PPM1A: variants seen among roughly 807,000 people sequenced by gnomAD.
The protein encoded by PPM1A is protein phosphatase, Mg2+/Mn2+ dependent 1A.
Under a neutral mutation model 35.0 loss-of-function variants are expected in PPM1A, and 7 were observed. The ratio of observed to expected loss-of-function variants is 0.20; its 90% confidence interval spans 0.11 to 0.38. PPM1A has a LOEUF of 0.38. Among genes scored for constraint, PPM1A ranks in the 10% least tolerant of loss-of-function variants. PPM1A has a pLI of 1.00. For synonymous variants in PPM1A, 153 were observed against 167.3 expected, an observed-to-expected ratio of 0.91 and a Z score of 0.66; for missense variants, 239 against 467.8, an observed-to-expected ratio of 0.51 and a Z score of 4.51.
Position 60,296,736 on chromosome 14 carries a change from T to G in PPM1A, c.*4254T>G, listed in dbSNP as rs939363645. 8.6e-6 allele frequency: 3 copies of G among 349,060 alleles called. No individual in the cohort carries two copies. The highest frequency in any genetic ancestry group is 9.7e-5 in the Admixed American group (2 of 20,632). The allele number at this position is 349,060 out of a possible 1,614,324, so 21.6% of individuals were successfully genotyped here. On this transcript the variant is annotated 3_prime_UTR_variant, in exon 6 of 6. Transcript: ENST00000395076. The surrounding 1 kb of genome is among the most constrained non-coding windows in gnomAD (Gnocchi z 4.4). ...CATTTTCAAAATGTATAATACTGTA[T>G]TGTTTTGTTGATCAGAATAATAAGT...
At chr14:60,259,362 A>G (rs17097240) in intron 1 of PPM1A, among the ~76,000 whole-genome samples, 3,181 of 152,098 alleles carry the variant, frequency 0.021, 112 homozygotes, top group African/African-American at 0.073. Context: ...CTTTCTTTCA[A>G]CTTAAGTATA....
intron 1 of PPM1A, among the ~76,000 whole-genome samples, chr14:60,278,048 G>A (rs1042600735): frequency 1.5e-3 from 228 of 152,278 alleles, no homozygotes; most frequent in African/African-American, 5.0e-3. Context: ...CTATCTTTTA[G>A]GATTGGTGTG....
upstream of PPM1A, chr14:60,249,106 C>A (rs1881996644): frequency 1.9e-6 from 1 of 531,434 alleles, no homozygotes. This position sits in a 1 kb window ranked among gnomAD's most constrained non-coding sequence, Gnocchi z 4.5. Context: ...ATCCGGGTCT[C>A]TGTAGCTGCG....
chr14:60,262,684 T>TCAAA (rs543957901), intron 1 of PPM1A, among the ~76,000 whole-genome samples: 1 of 152,016 alleles, frequency 6.6e-6, no homozygotes. Context: ...ACACCCTACC[T>TCAAA]CAAACAAACA....
intron 1 of PPM1A, among the ~76,000 whole-genome samples, chr14:60,256,259 A>T (rs1329539039): frequency 6.6e-6 from 1 of 152,052 alleles, no homozygotes; most frequent in Non-Finnish European, 1.5e-5. Flanking sequence ...TCTCTACTAA[A>T]ATACAAAAAA....
chr14:60,276,033 G>T (rs1885717230), intron 1 of PPM1A, among the ~76,000 whole-genome samples: 1 of 152,018 alleles, frequency 6.6e-6, no homozygotes, highest in Admixed American at 6.5e-5. Flanking sequence ...TAGCTGCAAG[G>T]GTTAGCATTT....
At chr14:60,260,607 C>CT (rs1239847524) in intron 1 of PPM1A, among the ~76,000 whole-genome samples, 2 of 152,072 alleles carry the variant, frequency 1.3e-5, no homozygotes, top group African/African-American at 4.8e-5. Flanking sequence ...CAGACTTATG[C>CT]AACGATTAAC....
At chr14:60,250,911 C>A (rs1204888361) in intron 1 of PPM1A, among the ~76,000 whole-genome samples, 1 of 152,162 alleles carries the variant, frequency 6.6e-6, no homozygotes, top group Non-Finnish European at 1.5e-5. Flanking sequence ...ATACTTTTAT[C>A]TTGCTACATA....
intron 1 of PPM1A, chr14:60,250,367 G>A: frequency 1.0e-6 from 1 of 953,520 alleles, no homozygotes. Flanking sequence ...GTATGGTTCT[G>A]TTCTGCTTGT....
rs1045489087 is a variant in PPM1A at position 60,262,105 on chromosome 14, A to G, written c.-21+12428A>G. Among the ~76,000 whole-genome samples, 14 of 152,354 alleles carry G rather than the reference A, an allele frequency of 9.2e-5. No homozygotes were observed. In the South Asian group the frequency reaches 2.3e-3, roughly 25 times the overall value. ...CAGAATAATTGATATTCATTATTTA[A>G]TAGATAAAATGTGTTATCTGAATGT... On this transcript the variant is annotated intron_variant, in intron 1 of 5. Coordinates refer to ENST00000395076, the MANE Select transcript of PPM1A (RefSeq NM_021003.5).
At chr14:60,247,790 G>A (rs1219754755), upstream of PPM1A, among the ~76,000 whole-genome samples, 1 of 152,074 alleles carries the variant, frequency 6.6e-6, no homozygotes, top group Non-Finnish European at 1.5e-5. Context: ...TAAGAGTTGG[G>A]GCAACAAAAT....
Position 60,292,481 on chromosome 14 carries a change from A to T in PPM1A, c.1148A>T (p.Ter383LeuextTer31). 6.3e-7 allele frequency: 1 copy of T among 1,599,480 alleles called. No individual in the cohort carries two copies. Among genetic ancestry groups the T allele is most frequent in the Non-Finnish European group, 8.6e-7 (1 of 1,167,776 alleles). ...TDSTSTDDMW[*>L] ...TCTACATCAACAGATGATATGTGGT[A>T]AAACTGCTCATCTAGCCATGGAGTT... Residue 383 changes from the stop codon to leucine, a stop_lost, in exon 6 of 6, where the codon TAA becomes TTA. Transcript: ENST00000395076. This position sits in a 1 kb window ranked among gnomAD's most constrained non-coding sequence, Gnocchi z 4.2.
At chr14:60,286,035 A>C in intron 3 of PPM1A, 1 of 1,036,428 alleles carries the variant, frequency 9.6e-7, no homozygotes, top group Non-Finnish European at 1.2e-6. Flanking sequence ...ATTCACTGGC[A>C]TGAGTAATTT....
At chr14:60,254,192 C>G (rs987933156) in intron 1 of PPM1A, among the ~76,000 whole-genome samples, 1 of 152,036 alleles carries the variant, frequency 6.6e-6, no homozygotes, top group Non-Finnish European at 1.5e-5. Flanking sequence ...TGCCTGGAAG[C>G]CAAACTAGAG....
At chr14:60,270,873 G>A (rs1396926248) in intron 1 of PPM1A, among the ~76,000 whole-genome samples, 3 of 152,096 alleles carry the variant, frequency 2.0e-5, no homozygotes, top group Non-Finnish European at 4.4e-5. Flanking sequence ...ATCTTTACAA[G>A]TTTGGCAGAT....
At position 60,272,127 on chromosome 14, in the gene PPM1A, G is replaced by T. The variant is rs1595320634; in HGVS notation, c.-20-10557G>T. Reference sequence around the variant, plus strand: ...AGTGTCTCCCTATTGTTGGATAATTGGGCAAGTCTAAGTTCTTTTTACTTT... The same window carrying T: ...AGTGTCTCCCTATTGTTGGATAATTTGGCAAGTCTAAGTTCTTTTTACTTT... On this transcript the variant is annotated intron_variant, in intron 1 of 5. Transcript: ENST00000395076. Among the ~76,000 whole-genome samples, 7 of 150,788 alleles carry T rather than the reference G, an allele frequency of 4.6e-5. No homozygotes were observed. In the South Asian group the frequency reaches 1.5e-3, roughly 32 times the overall value.
intron 3 of PPM1A, chr14:60,287,537 G>A (rs962999372): frequency 1.0e-6 from 1 of 985,270 alleles, no homozygotes; most frequent in Non-Finnish European, 1.2e-6. Flanking sequence ...TCCAAAGCAG[G>A]CACCTGAATG....
rs566581441 is a variant in PPM1A, at chr14:60,259,539, G to T, written c.-21+9862G>T. Among the ~76,000 whole-genome samples the T allele has an allele frequency of 4.3e-3, 655 of 152,076 alleles. 5 individuals carry two copies. The highest frequency in any genetic ancestry group is 0.015 in the African/African-American group (625 of 41,524). Reference sequence around the variant, plus strand: ...CGGCGATTTATAAGTAGCAAACTAGGAATTTAATCCACTTCAGTTTTGGAT... The same window carrying T: ...CGGCGATTTATAAGTAGCAAACTAGTAATTTAATCCACTTCAGTTTTGGAT... On this transcript the variant is annotated intron_variant, in intron 1 of 5. Coordinates refer to ENST00000395076, the MANE Select transcript of PPM1A (RefSeq NM_021003.5).
At chr14:60,269,511 C>T (rs991374187) in intron 1 of PPM1A, among the ~76,000 whole-genome samples, 1 of 152,012 alleles carries the variant, frequency 6.6e-6, no homozygotes, top group Non-Finnish European at 1.5e-5. Context: ...AGTCTGGGAC[C>T]AGCCTGATTT....
Sources: gnomAD v4.1 joint callset for allele counts (sites outside exome capture counted in the v4.1 genomes callset) on GRCh38, gnomAD v4.1.1 for gene constraint, Gnocchi (gnomAD v3.1) non-coding constraint, MANE v1.5 for transcripts, NCBI Gene and HGNC (gene_info 2026-07-23, HGNC 2026-07-21) for gene names.